SYT1: variants seen among roughly 807,000 people sequenced by gnomAD.
SYT1 encodes synaptotagmin 1.
SYT1 carries 8 observed loss-of-function variants against 44.8 expected under a neutral mutation model. The ratio of observed to expected loss-of-function variants is 0.18; its 90% CI spans 0.10 to 0.32. SYT1 has a LOEUF of 0.32. SYT1 is among the 10% of genes least tolerant of loss of function. The pLI, the probability that SYT1 is intolerant of heterozygous loss-of-function variation, is 1.00. For missense variants in SYT1, 286 were observed against 509.3 expected, an observed-to-expected ratio of 0.56 and a Z score of 4.22; for synonymous variants, 154 against 188.8, an observed-to-expected ratio of 0.82 and a Z score of 1.51.
chr12:79,132,391 G>C (rs749078547), intron 3 of SYT1, among the ~76,000 whole-genome samples: 1 of 151,452 alleles, frequency 6.6e-6, no homozygotes, highest in Non-Finnish European at 1.5e-5. Context: ...GGAGGTTGCA[G>C]TGAGCCAAGA....
intron 3 of SYT1, among the ~76,000 whole-genome samples, chr12:79,203,316 C>T (rs1873906040): frequency 6.6e-6 from 1 of 152,096 alleles, no homozygotes. Flanking sequence ...TATCTATCTG[C>T]CTTCCCTTTC....
chr12:78,940,482 T>C (rs1000995760), intron 1 of SYT1, among the ~76,000 whole-genome samples: 1 of 152,144 alleles, frequency 6.6e-6, no homozygotes, highest in African/African-American at 2.4e-5. Flanking sequence ...CTCAAACTCC[T>C]GAGCTCAAGT....
At chr12:79,366,478 T>C (rs1002785981) in intron 9 of SYT1, among the ~76,000 whole-genome samples, 1 of 152,268 alleles carries the variant, frequency 6.6e-6, no homozygotes, top group African/African-American at 2.4e-5. Context: ...TAAGGCATGA[T>C]TTAACAGTTA....
At chr12:78,947,904 A>ATATTT (rs1162596234) in intron 1 of SYT1, among the ~76,000 whole-genome samples, 1 of 152,056 alleles carries the variant, frequency 6.6e-6, no homozygotes, top group African/African-American at 2.4e-5. Flanking sequence ...ATTTTAATAA[A>ATATTT]TATTTTATTT....
chr12:78,990,106 A>T (rs1386114394), intron 2 of SYT1, among the ~76,000 whole-genome samples: 1 of 152,156 alleles, frequency 6.6e-6, no homozygotes, highest in African/African-American at 2.4e-5. Context: ...TTGTACCACA[A>T]TTGAGGGATT....
In SYT1 at chr12:79,057,632, C is replaced by G. The variant is rs140934565; in HGVS notation, c.-18+10270C>G. 1.4e-3 allele frequency among the ~76,000 whole-genome samples: 213 copies of G among 151,998 alleles called. 1 individual carries two copies. Among genetic ancestry groups the G allele is most frequent in the Middle Eastern group, 0.01 (3 of 294 alleles). On this transcript the variant is annotated intron_variant, in intron 3 of 10. Transcript: ENST00000261205. ...TCTTAGATGTTCTTTCTCTTTTGTACTTTAAAATTTTTTTTCTAATTTTGC... is the reference window on the plus strand; with the variant it reads ...TCTTAGATGTTCTTTCTCTTTTGTAGTTTAAAATTTTTTTTCTAATTTTGC...
intron 2 of SYT1, among the ~76,000 whole-genome samples, chr12:79,024,172 T>C (rs1277902306): frequency 2.0e-5 from 3 of 151,518 alleles, no homozygotes; most frequent in African/African-American, 4.8e-5. Context: ...TTCTAGGAAA[T>C]TGGGGCTGGA....
intron 3 of SYT1, among the ~76,000 whole-genome samples, chr12:79,193,188 A>G (rs1160868459): frequency 6.6e-6 from 1 of 152,220 alleles, no homozygotes; most frequent in Non-Finnish European, 1.5e-5. Context: ...GACACTACCT[A>G]ACTCTCAAGG....
chr12:79,180,735 G>A (rs1043742728), intron 3 of SYT1, among the ~76,000 whole-genome samples: 1 of 151,994 alleles, frequency 6.6e-6, no homozygotes, highest in African/African-American at 2.4e-5. Context: ...CAAGAGAATG[G>A]TGCTAAACCA....
At chr12:79,100,633 T>G in intron 3 of SYT1, among the ~76,000 whole-genome samples, 1 of 152,182 alleles carries the variant, frequency 6.6e-6, no homozygotes, top group East Asian at 1.9e-4. Context: ...TTTACTGTGT[T>G]TTCTCTATTT....
chr12:79,440,825 G>A (rs1870366740), intron 9 of SYT1, among the ~76,000 whole-genome samples: 1 of 152,138 alleles, frequency 6.6e-6, no homozygotes, highest in Non-Finnish European at 1.5e-5. Flanking sequence ...TCATAGGCAG[G>A]TGTATTTCCA....
intron 1 of SYT1, among the ~76,000 whole-genome samples, chr12:78,867,734 T>C (rs1658012312): frequency 6.6e-6 from 1 of 152,040 alleles, no homozygotes. Flanking sequence ...CTTCATTTCA[T>C]AATGGAGAAT....
chr12:79,259,436 T>C (rs1274744227), intron 4 of SYT1, among the ~76,000 whole-genome samples: 1 of 152,094 alleles, frequency 6.6e-6, no homozygotes, highest in Non-Finnish European at 1.5e-5. Context: ...AACAAGATAA[T>C]GACAAAAGAA....
At chr12:79,211,221 C>G (rs891798067) in intron 3 of SYT1, among the ~76,000 whole-genome samples, 2 of 151,980 alleles carry the variant, frequency 1.3e-5, no homozygotes, top group African/African-American at 4.8e-5. Flanking sequence ...ACCTAACACT[C>G]CCATGTATTT....
At chr12:78,895,552 A>G (rs1875313039) in intron 1 of SYT1, among the ~76,000 whole-genome samples, 1 of 151,750 alleles carries the variant, frequency 6.6e-6, no homozygotes, top group South Asian at 2.1e-4. Context: ...GTATTTTTAA[A>G]AGTATTCCAT....
intron 3 of SYT1, among the ~76,000 whole-genome samples, chr12:79,129,904 A>G (rs1001215877): frequency 6.6e-6 from 1 of 152,198 alleles, no homozygotes; most frequent in Non-Finnish European, 1.5e-5. Flanking sequence ...TATATTATAA[A>G]CATTTACAGA....
At chr12:79,391,076 C>G (rs1400822721) in intron 9 of SYT1, among the ~76,000 whole-genome samples, 1 of 152,170 alleles carries the variant, frequency 6.6e-6, no homozygotes, top group East Asian at 1.9e-4. Context: ...CAACTCCAAA[C>G]CTCAGTCCTC....
chr12:79,268,414 T>C (rs1273487963), intron 4 of SYT1, among the ~76,000 whole-genome samples: 1 of 152,212 alleles, frequency 6.6e-6, no homozygotes, highest in Non-Finnish European at 1.5e-5. Context: ...AGATGATATG[T>C]GGTATTTTTC....
chr12:79,180,471 A>C (rs1474744360), intron 3 of SYT1, among the ~76,000 whole-genome samples: 1 of 70,074 alleles, frequency 1.4e-5, no homozygotes, highest in Non-Finnish European at 2.8e-5. Context: ...CTGGTAATTT[A>C]TTTTCTTTTT....
Sources: allele counts gnomAD v4.1 joint callset (sites outside exome capture counted in the v4.1 genomes callset), GRCh38; gene constraint gnomAD v4.1.1; transcripts MANE v1.5; gene names NCBI Gene and HGNC (gene_info 2026-07-23, HGNC 2026-07-21).